Variants in HTR7 observed in about 807,000 individuals in gnomAD.
HTR7 encodes 5-HT-7.
In HTR7, 16 loss-of-function variants were observed where a neutral mutation model predicts 34.0. The ratio of observed to expected loss-of-function variants is 0.47; its 90% confidence interval spans 0.32 to 0.71. The LOEUF is 0.71. Ranked by LOEUF, HTR7 falls within the 30% of genes least tolerant of loss-of-function variation. HTR7 has a pLI of 0.04. For missense variants in HTR7, 504 were observed against 625.5 expected (o/e 0.81, Z 2.07); for synonymous variants, 265 against 260.2 (o/e 1.02, Z -0.18).
chr10:90,793,019 G>A lies in HTR7; in HGVS notation c.540-43425C>T, dbSNP rs114726516. Reference sequence around the variant, plus strand: ...ATGACTTCTTGGATATGACACCAAAGCACAGGCAGCAAAAGCAAAAAATTA... The same window carrying A: ...ATGACTTCTTGGATATGACACCAAAACACAGGCAGCAAAAGCAAAAAATTA... On this transcript the variant is annotated intron_variant, in intron 1 of 3. Transcript: ENST00000336152. Among the ~76,000 whole-genome samples, 541 of 152,102 alleles carry A rather than the reference G, an allele frequency of 3.6e-3. 5 individuals are homozygous for A. Among genetic ancestry groups the A allele is most frequent in the African/African-American group, 0.012 (502 of 41,520 alleles).
rs148962027 is a variant in HTR7 at position 90,814,290 on chromosome 10, T to C, written c.539+42843A>G. ...CCATGAGGGACTCACTTTATGATGA[T>C]AGGAATATTCACCCACTAAATATGC... On this transcript the variant is annotated intron_variant, in intron 1 of 3. Coordinates refer to ENST00000336152, the MANE Select transcript of HTR7 (RefSeq NM_019859.4). 1.9e-3 allele frequency among the ~76,000 whole-genome samples: 282 copies of C among 152,322 alleles called. 2 individuals are homozygous for C. Among genetic ancestry groups the C allele is most frequent in the African/African-American group, 6.3e-3 (261 of 41,578 alleles).
chr10:90,780,533 T>C (rs1345479935), intron 1 of HTR7, among the ~76,000 whole-genome samples: 2 of 124,886 alleles, frequency 1.6e-5, no homozygotes, highest in Non-Finnish European at 3.2e-5. Context: ...TGAGACTCCA[T>C]CTCAAAAAAA....
intron 1 of HTR7, among the ~76,000 whole-genome samples, chr10:90,818,080 C>T (rs1427585258): frequency 6.6e-6 from 1 of 152,106 alleles, no homozygotes; most frequent in African/African-American, 2.4e-5. Context: ...GCACTGGGAA[C>T]TTTTGGGGGT....
intron 2 of HTR7, 49 bp downstream of exon 2, chr10:90,748,790 C>T (rs1844680304): frequency 2.6e-6 from 4 of 1,542,944 alleles, no homozygotes; most frequent in Non-Finnish European, 3.5e-6. Context: ...CAAAAAGCTG[C>T]ATAAAAGGGT....
intron 1 of HTR7, among the ~76,000 whole-genome samples, chr10:90,823,203 G>A (rs954585168): frequency 6.6e-6 from 1 of 152,204 alleles, no homozygotes; most frequent in East Asian, 1.9e-4. Context: ...CATGCACCTG[G>A]AAAAGCTGCA....
chr10:90,741,423 T>C lies in HTR7; in HGVS notation c.*1059A>G, dbSNP rs1414755468. The C allele has an allele frequency of 1.3e-5, 2 of 152,304 alleles. No homozygotes were observed. Among genetic ancestry groups the C allele is most frequent in the Non-Finnish European group, 1.5e-5 (1 of 68,032 alleles). 9.4% of individuals were successfully genotyped at this position (152,304 alleles called of 1,614,324 possible). On this transcript the variant is annotated 3_prime_UTR_variant, in exon 4 of 4. Coordinates refer to ENST00000336152, the MANE Select transcript of HTR7 (RefSeq NM_019859.4). ...AGGCACACATTTGATTTAAGATACA[T>C]AGAACACAAAAACAAATTCTCTAGA...
In HTR7 at chr10:90,857,136, T is replaced by G. The variant is rs773257840; in HGVS notation, c.536A>C (p.Asp179Ala). 1.3e-6 allele frequency: 2 copies of G among 1,587,064 alleles called. No homozygotes were observed. Among genetic ancestry groups the G allele is most frequent in the Non-Finnish European group, 1.7e-6 (2 of 1,165,262 alleles). Residue 179 changes from aspartate (D) to alanine (A), a missense_variant, in exon 1 of 4, where the codon GAC becomes GCC. Around this residue, in one of 4 missense-constraint regions of HTR7, gnomAD observed 154 missense variants for 248.8 expected, o/e 0.62. Transcript: ENST00000336152. This position sits in a 1 kb window ranked among gnomAD's most constrained non-coding sequence, Gnocchi z 6.5. The part of the protein sequence containing the change: ...SIMTLCVISI[D>A]RYLGITRPLT... ...GACGGGGCGGTCCGGCCCTTACCTG[T>G]CAATGCTGATCACGCACAGGGTCAT...
chr10:90,837,345 T>A lies in HTR7; in HGVS notation c.539+19788A>T, dbSNP rs148810874. On this transcript the variant is annotated intron_variant, in intron 1 of 3. Transcript: ENST00000336152. ...AGTTTTTGTGCATCCTAGTGGAATA[T>A]AAGACACTTACATAAACAATGATAT... Among the ~76,000 whole-genome samples, 595 of 152,356 alleles carry A rather than the reference T, an allele frequency of 3.9e-3. 3 individuals carry two copies. Among genetic ancestry groups the A allele is most frequent in the African/African-American group, 0.014 (564 of 41,588 alleles).
At chr10:90,751,587 G>A (rs1396342197) in intron 1 of HTR7, among the ~76,000 whole-genome samples, 1 of 152,170 alleles carries the variant, frequency 6.6e-6, no homozygotes, top group Non-Finnish European at 1.5e-5. Flanking sequence ...TTCCCCAGGA[G>A]GCCACCAGAT....
In HTR7 at chr10:90,741,844, G is replaced by C. The variant is rs547434971; in HGVS notation, c.*638C>G. The C allele has an allele frequency of 6.5e-6, 1 of 152,770 alleles. No homozygotes were observed. Among genetic ancestry groups the C allele is most frequent in the East Asian group, 1.9e-4 (1 of 5,180 alleles). 9.5% of individuals were successfully genotyped at this position (152,770 alleles called of 1,614,324 possible). A position where few individuals can be genotyped will look rare whatever the true frequency, so the allele number is the denominator to read the frequency against. The stretch of plus-strand genomic sequence containing the variant: ...TATGCTTCTCTCCATCCTGAGACCT[G>C]TTCCTGAGTTATACCATAATAAGTG... On this transcript the variant is annotated 3_prime_UTR_variant, in exon 4 of 4. Coordinates refer to ENST00000336152, the MANE Select transcript of HTR7 (RefSeq NM_019859.4).
At position 90,775,734 on chromosome 10, in the gene HTR7, A is replaced by G. The variant is rs1394419258; in HGVS notation, c.540-26140T>C. On this transcript the variant is annotated intron_variant, in intron 1 of 3. Transcript: ENST00000336152. ...AAAATTCTAGAAAGTAGATTCTTGAAGAATTTGTGACAGCTTTTCTCAGTT... is the reference window on the plus strand; with the variant it reads ...AAAATTCTAGAAAGTAGATTCTTGAGGAATTTGTGACAGCTTTTCTCAGTT... Among the ~76,000 whole-genome samples, 3 of 152,334 alleles carry G rather than the reference A, an allele frequency of 2.0e-5. No homozygotes were observed. The East Asian group carries it at 5.8e-4, about 29-fold the overall frequency.
At chr10:90,810,894 C>T (rs149869786) in intron 1 of HTR7, among the ~76,000 whole-genome samples, 4 of 152,274 alleles carry the variant, frequency 2.6e-5, no homozygotes, top group Admixed American at 6.5e-5. Flanking sequence ...CTCTCTCTGC[C>T]GATCGTGTCT....
At chr10:90,812,797 A>G (rs1845835573) in intron 1 of HTR7, among the ~76,000 whole-genome samples, 1 of 152,138 alleles carries the variant, frequency 6.6e-6, no homozygotes, top group South Asian at 2.1e-4. Context: ...TTATTAATAT[A>G]AGAAGGCAGG....
chr10:90,818,987 A>C (rs1488189841), intron 1 of HTR7, among the ~76,000 whole-genome samples: 1 of 152,142 alleles, frequency 6.6e-6, no homozygotes, highest in Non-Finnish European at 1.5e-5. Context: ...ACCATGATTG[A>C]AAGTTTCCTG....
chr10:90,774,985 A>T (rs1845183323), intron 1 of HTR7, among the ~76,000 whole-genome samples: 1 of 152,222 alleles, frequency 6.6e-6, no homozygotes, highest in South Asian at 2.1e-4. Flanking sequence ...CGTGCAGCAG[A>T]GGGACTGCCT....
At chr10:90,792,396 C>T (rs776855567) in intron 1 of HTR7, among the ~76,000 whole-genome samples, 24 of 151,624 alleles carry the variant, frequency 1.6e-4, no homozygotes, top group Non-Finnish European at 2.8e-4. Context: ...TTTTTTTTGG[C>T]TGCAGCTATA....
At chr10:90,802,876 C>T (rs1845650323) in intron 1 of HTR7, among the ~76,000 whole-genome samples, 2 of 151,940 alleles carry the variant, frequency 1.3e-5, no homozygotes, top group Admixed American at 1.3e-4. Context: ...GATTTCCTGT[C>T]TTCCATCTGT....
chr10:90,808,537 C>T (rs12777881), intron 1 of HTR7, among the ~76,000 whole-genome samples: 41,588 of 151,054 alleles, frequency 0.28, 6,156 homozygotes, highest in African/African-American at 0.4. Flanking sequence ...CTTATTTCCA[C>T]GCCCCAACCT....
At chr10:90,808,551 A>G (rs1330145781) in intron 1 of HTR7, among the ~76,000 whole-genome samples, 2 of 150,770 alleles carry the variant, frequency 1.3e-5, no homozygotes, top group African/African-American at 4.9e-5. Flanking sequence ...CCAACCTGTT[A>G]TATCTCTGCG....
Sources: allele counts gnomAD v4.1 joint callset (sites outside exome capture counted in the v4.1 genomes callset), GRCh38; gene constraint gnomAD v4.1.1; regional missense constraint gnomAD v4.1.1; non-coding constraint Gnocchi (gnomAD v3.1); transcripts MANE v1.5; gene names NCBI Gene and HGNC (gene_info 2026-07-23, HGNC 2026-07-21).